Variants in ZBED4 observed in about 807,000 individuals in gnomAD.
ZBED4 encodes the protein zinc finger BED-type containing 4, also known as zinc finger BED domain-containing protein 4.
A neutral mutation model predicts 15.5 loss-of-function variants in ZBED4; 4 were observed. The ratio of observed to expected loss-of-function variants is 0.26; its 90% CI spans 0.13 to 0.59. ZBED4 has a LOEUF of 0.59. ZBED4 is among the 20% of genes least tolerant of loss of function. ZBED4 has a pLI of 0.90. For missense variants in ZBED4, 1,323 were observed against 1,461.8 expected (o/e 0.91, Z 1.55); for synonymous variants, 692 against 608.5 (o/e 1.14, Z -2.02).
At chr22:49,864,802 AGAGT>A (rs1569158087) in intron 1 of ZBED4, among the ~76,000 whole-genome samples, 1 of 120,972 alleles carries the variant, frequency 8.3e-6, no homozygotes, top group Non-Finnish European at 1.6e-5. Flanking sequence ...CCTGAGCGCC[AGAGT>A]GAGACCCTGT....
At chr22:49,861,725 C>T (rs2060297978) in intron 1 of ZBED4, among the ~76,000 whole-genome samples, 1 of 152,204 alleles carries the variant, frequency 6.6e-6, no homozygotes, top group Admixed American at 6.5e-5. Flanking sequence ...GCGTGAGCTG[C>T]CGTGGCTGGC....
chr22:49,875,944 C>T (rs200699634), intron 1 of ZBED4, among the ~76,000 whole-genome samples: 4 of 146,704 alleles, frequency 2.7e-5, no homozygotes, highest in South Asian at 2.1e-4. Flanking sequence ...GATTTTTTTT[C>T]TTTTTTTTTT....
rs143483335 is a variant in ZBED4, at chr22:49,886,470, G to A, written c.2808G>A (p.Ala936=). 2.4e-4 allele frequency: 381 copies of A among 1,570,188 alleles called. No homozygotes were observed. The African/African-American group carries it at 4.7e-3, about 19-fold the overall frequency. Residue 936 remains alanine, a synonymous_variant, in exon 2 of 2, where the codon GCG becomes GCA. Coordinates refer to ENST00000216268, the MANE Select transcript of ZBED4 (RefSeq NM_014838.3). This position sits in a 1 kb window ranked among gnomAD's most constrained non-coding sequence, Gnocchi z 7.7. ...AGGTCATGCAGTCCGTGTGCCGTGC[G>A]CTAAAGCCCTTCGAGGCTGCGAGCC... ...QWEVMQSVCR[A]LKPFEAASRE...
rs765993642 is a variant in ZBED4 at position 49,885,542 on chromosome 22, C to G, written c.1880C>G (p.Thr627Ser). The change falls in exon 2 of 2, where the codon ACC becomes AGC. Residue 627 changes from threonine to serine, a missense_variant. Transcript: ENST00000216268. ...SETARPSSPD[T>S]RVPRGTELSG... ...ACGGCTCGGCCCTCCTCTCCGGACACCCGGGTGCCGCGGGGCACAGAATTA... is the reference window on the plus strand; with the variant it reads ...ACGGCTCGGCCCTCCTCTCCGGACAGCCGGGTGCCGCGGGGCACAGAATTA... 11 of 1,606,454 alleles carry G rather than the reference C, an allele frequency of 6.8e-6. No individual in the cohort carries two copies. The highest frequency in any genetic ancestry group is 1.3e-5 in the African/African-American group (1 of 74,766).
Position 49,884,974 on chromosome 22 carries a change from C to A in ZBED4, c.1312C>A (p.Pro438Thr). Residue 438 changes from proline (P) to threonine (T), a missense_variant, in exon 2 of 2, where the codon CCT becomes ACT. This residue lies in a region of ZBED4 where 429 missense variants were observed against 397.9 expected (regional missense o/e 1.08). Transcript: ENST00000216268. ...GAAGCAGCAGGCTGATGGGCTGAGT[C>A]CTAGATTGTTTGAATCTGGCGCCAT... ...PEKQQADGLS[P>T]RLFESGAIFQ... 6 of 1,613,400 alleles carry A rather than the reference C, an allele frequency of 3.7e-6. No individual in the cohort carries two copies. The highest frequency in any genetic ancestry group is 5.1e-6 in the Non-Finnish European group (6 of 1,179,636).
At chr22:49,865,016 A>G (rs1281183868) in intron 1 of ZBED4, among the ~76,000 whole-genome samples, 2 of 136,734 alleles carry the variant, frequency 1.5e-5, no homozygotes, top group Non-Finnish European at 3.0e-5. Context: ...ACCCTTATTC[A>G]GTCCTAGCTC....
Position 49,864,214 on chromosome 22 carries a change from G to A in ZBED4, c.-330+10225G>A, listed in dbSNP as rs571133639. ...GGGTGTGCTTTAATCTTACGTCTCC[G>A]TCCTCTTTTTCCACTGAGAGTGCTG... On this transcript the variant is annotated intron_variant, in intron 1 of 1. Coordinates refer to ENST00000216268, the MANE Select transcript of ZBED4 (RefSeq NM_014838.3). 3.3e-5 allele frequency among the ~76,000 whole-genome samples: 5 copies of A among 152,294 alleles called. No homozygotes were observed. In the South Asian group the frequency reaches 8.3e-4, roughly 25 times the overall value.
At chr22:49,882,707 G>A (rs2060415672) in intron 1 of ZBED4, among the ~76,000 whole-genome samples, 2 of 152,248 alleles carry the variant, frequency 1.3e-5, no homozygotes, top group Non-Finnish European at 2.9e-5. Flanking sequence ...TGGCTGTCAG[G>A]TCCCGTGACT....
intron 1 of ZBED4, among the ~76,000 whole-genome samples, chr22:49,881,281 G>A (rs1472499015): frequency 6.6e-6 from 1 of 152,274 alleles, no homozygotes; most frequent in Non-Finnish European, 1.5e-5. Flanking sequence ...CCCAGGAAGC[G>A]GAGGTTGCGG....
intron 1 of ZBED4, among the ~76,000 whole-genome samples, chr22:49,866,227 T>C (rs2060322005): frequency 6.6e-6 from 1 of 152,222 alleles, no homozygotes; most frequent in Admixed American, 6.5e-5. Flanking sequence ...GCTTGACAAT[T>C]TCTAATTCAG....
At chr22:49,883,158 T>A (rs2060417959) in intron 1 of ZBED4, among the ~76,000 whole-genome samples, 176 bp from the exon 2 acceptor site, 1 of 152,188 alleles carries the variant, frequency 6.6e-6, no homozygotes, top group Admixed American at 6.5e-5. Context: ...TATTTTGCAA[T>A]TTGGGGGTAT....
intron 1 of ZBED4, among the ~76,000 whole-genome samples, chr22:49,863,643 G>C (rs1027821075): frequency 1.3e-5 from 2 of 148,158 alleles, no homozygotes; most frequent in African/African-American, 5.0e-5. Context: ...AAAAAAAAAA[G>C]TGTGATGTTC....
intron 1 of ZBED4, among the ~76,000 whole-genome samples, chr22:49,877,275 T>C (rs2060381815): frequency 7.8e-6 from 1 of 127,660 alleles, no homozygotes; most frequent in Non-Finnish European, 1.8e-5. Flanking sequence ...ATTTATTTAT[T>C]TATTTATTTA....
Position 49,872,380 on chromosome 22 carries a change from T to C in ZBED4, c.-329-10954T>C, listed in dbSNP as rs538121439. ...TATCTTTGGGTTCTGTGTATAATTC[T>C]AGTTTTTGCCCTTTCCACCAAATCT... On this transcript the variant is annotated intron_variant, in intron 1 of 1. Coordinates refer to ENST00000216268, the MANE Select transcript of ZBED4 (RefSeq NM_014838.3). Among the ~76,000 whole-genome samples, 8 of 152,334 alleles carry C rather than the reference T, an allele frequency of 5.3e-5. No individual in the cohort carries two copies. In the South Asian group the frequency reaches 1.7e-3, roughly 32 times the overall value.
At chr22:49,863,669 T>C (rs1489857996) in intron 1 of ZBED4, among the ~76,000 whole-genome samples, 2 of 152,190 alleles carry the variant, frequency 1.3e-5, no homozygotes, top group Non-Finnish European at 2.9e-5. Context: ...GAGTTATTGC[T>C]TCTTTATGTA....
chr22:49,887,185 C>G lies in ZBED4; in HGVS notation c.*7C>G. 2 of 1,598,662 alleles carry G rather than the reference C, an allele frequency of 1.3e-6. No individual in the cohort carries two copies. The highest frequency in any genetic ancestry group is 1.7e-6 in the Non-Finnish European group (2 of 1,171,124). On this transcript the variant is annotated 3_prime_UTR_variant, in exon 2 of 2. Transcript: ENST00000216268. ...AATATACTTTCAGTATTGAAACTCA[C>G]GACGGCACCACTAGGCCAGAGGCGT...
At chr22:49,880,244 T>C (rs1216384425) in intron 1 of ZBED4, among the ~76,000 whole-genome samples, 1 of 152,200 alleles carries the variant, frequency 6.6e-6, no homozygotes, top group East Asian at 1.9e-4. Flanking sequence ...TCACTCTTGG[T>C]GGTGGAAACA....
At chr22:49,872,147 A>C (rs1005457866) in intron 1 of ZBED4, among the ~76,000 whole-genome samples, 8 of 152,216 alleles carry the variant, frequency 5.3e-5, no homozygotes, top group African/African-American at 1.9e-4. Context: ...ACTTCTTTCA[A>C]AATTGTAGTC....
intron 1 of ZBED4, among the ~76,000 whole-genome samples, chr22:49,875,418 C>CTTTTTTTT (rs55993655): frequency 6.9e-6 from 1 of 145,174 alleles, no homozygotes. Context: ...AATTTATTTT[C>CTTTTTTTT]TTTTTTTTTT....
Sources: gnomAD v4.1 joint callset for allele counts (sites outside exome capture counted in the v4.1 genomes callset) on GRCh38, gnomAD v4.1.1 for gene constraint, gnomAD v4.1.1 regional missense constraint, Gnocchi (gnomAD v3.1) non-coding constraint, MANE v1.5 for transcripts, NCBI Gene and HGNC (gene_info 2026-07-23, HGNC 2026-07-21) for gene names.